HS3ST6: variants seen among roughly 807,000 people sequenced by gnomAD.
HS3ST6 encodes the protein heparan sulfate glucosamine 3-O-sulfotransferase 6.
In HS3ST6, 13 loss-of-function variants were observed where a neutral mutation model predicts 11.0. That is an observed-to-expected ratio of 1.18 (90% CI 0.77 to 1.88). The LOEUF (loss-of-function observed/expected upper bound fraction) is 1.88, where lower values mean the gene tolerates loss of function less well. HS3ST6 is among the 40% of genes most tolerant of loss of function. HS3ST6 has a pLI of 0.00. For synonymous variants in HS3ST6, 232 were observed against 230.6 expected, an observed-to-expected ratio of 1.01 and a Z score of -0.06; for missense variants, 541 against 494.4, an observed-to-expected ratio of 1.09 and a Z score of -0.89.
rs757882867 is a variant in HS3ST6 at position 1,911,856 on chromosome 16, C to T, written c.763G>A (p.Asp255Asn). Residue 255 changes from aspartate (D) to asparagine (N), a missense_variant, in exon 2 of 2, where the codon GAC becomes AAC. Physicochemically the swap from Asp to Asn is conservative, Grantham distance 23. Transcript: ENST00000454677. ...LFVSGERLVS[D>N]PAGEVGRVQD... ...ACGCGGCCGACCTCTCCGGCCGGGTCGCTGACCAGACGCTCCCCGCTGACG... is the reference window on the plus strand; with the variant it reads ...ACGCGGCCGACCTCTCCGGCCGGGTTGCTGACCAGACGCTCCCCGCTGACG... 1.2e-5 allele frequency: 19 copies of T among 1,609,732 alleles called. No homozygotes were observed. The highest frequency in any genetic ancestry group is 8.9e-5 in the East Asian group (4 of 44,818).
At position 1,918,000 on chromosome 16, in the gene HS3ST6, C is replaced by A. The variant is rs745331582; in HGVS notation, c.324G>T (p.Glu108Asp). 1.6e-5 allele frequency: 25 copies of A among 1,551,108 alleles called. No individual in the cohort carries two copies. In the Admixed American group the frequency reaches 4.7e-4, roughly 29 times the overall value. Reference sequence around the variant, plus strand: ...GGACGTCGGGGTGCAGCCGCAGAAACTCCAGCAGGGCGCGCGTGCCGCCCT... The same window carrying A: ...GGACGTCGGGGTGCAGCCGCAGAAAATCCAGCAGGGCGCGCGTGCCGCCCT... ...VKKGGTRALL[E>D]FLRLHPDVRA... The change falls in exon 1 of 2, where the codon GAG becomes GAT. Residue 108 changes from glutamate to aspartate, a missense_variant. Coordinates refer to ENST00000454677, the MANE Select transcript of HS3ST6 (RefSeq NM_001009606.4).
chr16:1,918,079 G>T lies in HS3ST6; in HGVS notation c.245C>A (p.Ala82Asp), dbSNP rs1270686412. The stretch of plus-strand genomic sequence containing the variant: ...GAAGCGCCGGCGGCCGGGACCGCTG[G>T]CCAAAGGCAGGCCGGGTGCTCCCGG... Reference protein sequence around the residue: ...HRPGAPGLPLASGPGRRRFPQ... With the variant: ...HRPGAPGLPLDSGPGRRRFPQ... The change falls in exon 1 of 2, where the codon GCC becomes GAC. Residue 82 changes from alanine to aspartate, a missense_variant. Ala to Asp is a moderately radical substitution (Grantham distance 126). Coordinates refer to ENST00000454677, the MANE Select transcript of HS3ST6 (RefSeq NM_001009606.4). The surrounding 1 kb of genome is among the most constrained non-coding windows in gnomAD (Gnocchi z 6.0). The T allele has an allele frequency of 3.3e-6, 5 of 1,500,722 alleles. No homozygotes were observed. Among genetic ancestry groups the T allele is most frequent in the Non-Finnish European group, 4.4e-6 (5 of 1,131,004 alleles). 93.0% of individuals were successfully genotyped at this position (1,500,722 alleles called of 1,614,324 possible).
At chr16:1,917,798 C>T in intron 1 of HS3ST6, 113 bp downstream of exon 1, 2 of 866,056 alleles carry the variant, frequency 2.3e-6, no homozygotes, top group African/African-American at 3.5e-5. Flanking sequence ...ACCCCACTGC[C>T]CGGAGCGCAC....
chr16:1,913,330 AGAG>A (rs1447431422), intron 1 of HS3ST6, among the ~76,000 whole-genome samples: 1 of 152,044 alleles, frequency 6.6e-6, no homozygotes, highest in African/African-American at 2.4e-5. Context: ...CTGACACAGG[AGAG>A]GAGGGCACTG....
upstream of HS3ST6, chr16:1,918,484 C>A: frequency 6.5e-6 from 1 of 152,758 alleles, no homozygotes; most frequent in Non-Finnish European, 1.4e-5. This position sits in a 1 kb window ranked among gnomAD's most constrained non-coding sequence, Gnocchi z 6.0. Flanking sequence ...GGTCTGGACG[C>A]CCTCCCCCCT....
intron 1 of HS3ST6, among the ~76,000 whole-genome samples, chr16:1,916,195 C>T (rs896057426): frequency 5.7e-4 from 33 of 58,228 alleles, no homozygotes; most frequent in East Asian, 1.5e-3. Flanking sequence ...ACTTGCAATG[C>T]GGAAGCTCAG....
At chr16:1,916,937 C>T (rs1051790235) in intron 1 of HS3ST6, among the ~76,000 whole-genome samples, 2 of 151,980 alleles carry the variant, frequency 1.3e-5, no homozygotes, top group Non-Finnish European at 2.9e-5. Context: ...GGGATGGACT[C>T]CATGTCCCCT....
Position 1,911,869 on chromosome 16 carries a change from C to T in HS3ST6, c.750G>A (p.Glu250=). The part of the protein sequence containing the change: ...PLSHFLFVSG[E]RLVSDPAGEV... ...CTCCGGCCGGGTCGCTGACCAGACG[C>T]TCCCCGCTGACGAACAGGAAGTGGG... is the stretch of plus-strand genomic sequence containing the variant. Residue 250 remains glutamate (E), a synonymous_variant, in exon 2 of 2, where the codon GAG becomes GAA. Transcript: ENST00000454677. The T allele has an allele frequency of 1.2e-6, 2 of 1,608,238 alleles. No homozygotes were observed. Among genetic ancestry groups the T allele is most frequent in the Non-Finnish European group, 1.7e-6 (2 of 1,176,648 alleles).
chr16:1,918,366 G>T lies in HS3ST6; in HGVS notation c.-43C>A. The T allele has an allele frequency of 4.1e-6, 1 of 244,254 alleles. No homozygotes were observed. The highest frequency in any genetic ancestry group is 1.3e-4 in the South Asian group (1 of 7,668). The allele number at this position is 244,254 out of a possible 1,614,324, so 15.1% of individuals were successfully genotyped here. ...GGCCCGGGAGCGGGGGCAGCAGGCG[G>T]GCGCGCATCTCGGCCCGCGCGCCGC... On this transcript the variant is annotated 5_prime_UTR_variant, in exon 1 of 2. Coordinates refer to ENST00000454677, the MANE Select transcript of HS3ST6 (RefSeq NM_001009606.4). The surrounding 1 kb of genome is among the most constrained non-coding windows in gnomAD (Gnocchi z 6.0).
rs1157176291 is a variant in HS3ST6 at position 1,918,038 on chromosome 16, C to T, written c.286G>A (p.Val96Ile). Residue 96 changes from valine to isoleucine, a missense_variant, in exon 1 of 2, where the codon GTT becomes ATT. Physicochemically the swap from Val to Ile is conservative, Grantham distance 29. Transcript: ENST00000454677. The surrounding 1 kb of genome is among the most constrained non-coding windows in gnomAD (Gnocchi z 6.0). ...CGCGTGCCGCCCTTCTTCACGCCAA[C>T]GATGAGCGCTTGCGGGAAGCGCCGG... ...GRRRFPQALIVGVKKGGTRAL... is the reference protein window; with the variant it reads ...GRRRFPQALIIGVKKGGTRAL... 12 of 1,523,658 alleles carry T rather than the reference C, an allele frequency of 7.9e-6. No homozygotes were observed. The highest frequency in any genetic ancestry group is 1.1e-5 in the Non-Finnish European group (12 of 1,142,814). The allele number at this position is 1,523,658 out of a possible 1,614,324, so 94.4% of individuals were successfully genotyped here.
intron 1 of HS3ST6, among the ~76,000 whole-genome samples, chr16:1,916,187 TTG>T (rs1567299310): frequency 6.7e-4 from 39 of 58,438 alleles, no homozygotes; most frequent in African/African-American, 2.3e-3. Flanking sequence ...ATGAGGACAC[TTG>T]CAATGCGGAA....
upstream of HS3ST6, among the ~76,000 whole-genome samples, chr16:1,920,001 CCA>C (rs2082952458): frequency 6.6e-6 from 1 of 152,202 alleles, no homozygotes; most frequent in Non-Finnish European, 1.5e-5. Flanking sequence ...AGCATCCACC[CCA>C]CAGTCTCAGC....
upstream of HS3ST6, among the ~76,000 whole-genome samples, chr16:1,920,560 C>G (rs1309873212): frequency 6.6e-6 from 1 of 152,204 alleles, no homozygotes. Flanking sequence ...ATGGTCATTT[C>G]CATCTCCTGG....
Position 1,912,670 on chromosome 16 carries a change from C to T in HS3ST6, c.414-465G>A, listed in dbSNP as rs1273859918. Among the ~76,000 whole-genome samples, 1 of 152,118 alleles carries T rather than the reference C, an allele frequency of 6.6e-6. No individual in the cohort carries two copies. Among genetic ancestry groups the T allele is most frequent in the South Asian group, 2.1e-4 (1 of 4,820 alleles). ...CCCGCCTAGATCACTTGAGGTCACC[C>T]GTTCACTCAGTGGCTGACAGCATCC... On this transcript the variant is annotated intron_variant, in intron 1 of 1. Coordinates refer to ENST00000454677, the MANE Select transcript of HS3ST6 (RefSeq NM_001009606.4). The surrounding 1 kb of genome is among the most constrained non-coding windows in gnomAD (Gnocchi z 5.6).
chr16:1,916,756 T>G, intron 1 of HS3ST6, among the ~76,000 whole-genome samples: 1 of 39,004 alleles, frequency 2.6e-5, no homozygotes, highest in African/African-American at 9.9e-5. Flanking sequence ...TCTCCCCTCC[T>G]CCCCCGTCTC....
intron 1 of HS3ST6, among the ~76,000 whole-genome samples, chr16:1,913,848 C>T (rs1057363837): frequency 3.3e-5 from 5 of 152,096 alleles, no homozygotes; most frequent in African/African-American, 1.2e-4. Context: ...CGGTGGAGAG[C>T]GCTGGAGGTG....
chr16:1,912,981 G>A lies in HS3ST6; in HGVS notation c.414-776C>T, dbSNP rs962054750. Among the ~76,000 whole-genome samples, 5 of 152,042 alleles carry A rather than the reference G, an allele frequency of 3.3e-5. No homozygotes were observed. The highest frequency in any genetic ancestry group is 4.8e-5 in the African/African-American group (2 of 41,386). The stretch of plus-strand genomic sequence containing the variant: ...TAATTTTTGTATTTTTAGTAGAGAC[G>A]GGGTTTCGCCATGTTGGCCAGGCTG... On this transcript the variant is annotated intron_variant, in intron 1 of 1. Coordinates refer to ENST00000454677, the MANE Select transcript of HS3ST6 (RefSeq NM_001009606.4). The surrounding 1 kb of genome is among the most constrained non-coding windows in gnomAD (Gnocchi z 5.6).
rs2058277289 is a variant in HS3ST6 at position 1,911,695 on chromosome 16, T to TACAC, written c.923_924insGTGT (p.His309CysfsTer70). On this transcript the variant is annotated frameshift_variant, in exon 2 of 2. Transcript: ENST00000454677. LOFTEE classifies it high-confidence loss of function. The stretch of plus-strand genomic sequence containing the variant: ...CCAGGGCCTGGGGCACGCGTGGGTG[T>TACAC]GGCCGGCCCTTGGACTTGCCCAGGC... 1 of 1,611,922 alleles carries TACAC rather than the reference T, an allele frequency of 6.2e-7. No homozygotes were observed. The highest frequency in any genetic ancestry group is 1.7e-5 in the Admixed American group (1 of 59,754).
At chr16:1,919,530 G>T (rs992260001), upstream of HS3ST6, among the ~76,000 whole-genome samples, 3 of 152,358 alleles carry the variant, frequency 2.0e-5, no homozygotes, top group Non-Finnish European at 4.4e-5. Flanking sequence ...CAGGGCTGGC[G>T]CCAGGCAGGC....
Sources: allele counts gnomAD v4.1 joint callset (sites outside exome capture counted in the v4.1 genomes callset), GRCh38; gene constraint gnomAD v4.1.1; non-coding constraint Gnocchi (gnomAD v3.1); transcripts MANE v1.5; gene names NCBI Gene and HGNC (gene_info 2026-07-23, HGNC 2026-07-21).